The following FAM135B variants were observed in gnomAD, a reference collection of about 807,000 sequenced individuals.
FAM135B encodes the protein protein FAM135B.
In FAM135B, 43 loss-of-function variants were observed where a neutral mutation model predicts 127.7. That is an observed-to-expected ratio of 0.34 (90% CI 0.26 to 0.43). The LOEUF is 0.43. Among genes scored for constraint, FAM135B ranks in the 20% least tolerant of loss-of-function variants. The pLI, the probability that FAM135B is intolerant of heterozygous loss-of-function variation, is 1.00. For missense variants in FAM135B, 1,558 were observed against 1,725.6 expected (o/e 0.90, Z 1.72); for synonymous variants, 670 against 665.1 (o/e 1.01, Z -0.11).
intron 3 of FAM135B, among the ~76,000 whole-genome samples, chr8:138,308,436 G>C (rs1443670021): frequency 2.0e-5 from 3 of 152,260 alleles, no homozygotes; most frequent in African/African-American, 7.2e-5. Flanking sequence ...ACCAAAAATA[G>C]TATAATTGGA....
chr8:138,300,152 G>A (rs987418576), intron 3 of FAM135B, among the ~76,000 whole-genome samples: 1 of 151,854 alleles, frequency 6.6e-6, no homozygotes, highest in Non-Finnish European at 1.5e-5. Flanking sequence ...AGTGTGGGGT[G>A]TATGGAATCT....
At position 138,390,933 on chromosome 8, in the gene FAM135B, C is replaced by T. The variant is rs545744998; in HGVS notation, c.-19-22931G>A. Reference sequence around the variant, plus strand: ...GAGAAGATAGGAAGCAACTGTTTACCGTACCACGACGCAACAGGTGCTACC... The same window carrying T: ...GAGAAGATAGGAAGCAACTGTTTACTGTACCACGACGCAACAGGTGCTACC... On this transcript the variant is annotated intron_variant, in intron 1 of 19. Transcript: ENST00000395297. Among the ~76,000 whole-genome samples the T allele has an allele frequency of 3.3e-5, 5 of 152,246 alleles. No individual in the cohort carries two copies. The East Asian group carries it at 5.8e-4, about 18-fold the overall frequency.
At chr8:138,346,941 G>A (rs1246367477) in intron 2 of FAM135B, among the ~76,000 whole-genome samples, 1 of 152,198 alleles carries the variant, frequency 6.6e-6, no homozygotes, top group Admixed American at 6.5e-5. Context: ...ATATGTGTCT[G>A]TTTCTATCAT....
chr8:138,430,555 G>A (rs973352727), intron 1 of FAM135B, among the ~76,000 whole-genome samples: 7 of 152,174 alleles, frequency 4.6e-5, no homozygotes, highest in African/African-American at 1.7e-4. Flanking sequence ...TGGCCTCCAA[G>A]AGGATACATT....
At chr8:138,314,718 A>AATAAAT (rs1826944638) in intron 2 of FAM135B, among the ~76,000 whole-genome samples, 1 of 150,354 alleles carries the variant, frequency 6.7e-6, no homozygotes, top group African/African-American at 2.4e-5. Context: ...TAAATAAATA[A>AATAAAT]ATAAATTAGC....
At chr8:138,202,396 T>C (rs971944048) in intron 7 of FAM135B, among the ~76,000 whole-genome samples, 5 of 152,104 alleles carry the variant, frequency 3.3e-5, no homozygotes, top group Admixed American at 6.6e-5. Context: ...ACTACAGGCA[T>C]GCACCATCAC....
intron 12 of FAM135B, among the ~76,000 whole-genome samples, chr8:138,155,166 C>G (rs1260237622): frequency 6.6e-6 from 1 of 152,186 alleles, no homozygotes; most frequent in Non-Finnish European, 1.5e-5. Flanking sequence ...AAAGAACTTT[C>G]AACCCAGAAT....
chr8:138,332,983 GCACA>G (rs59548249), intron 2 of FAM135B, among the ~76,000 whole-genome samples: 8,521 of 145,332 alleles, frequency 0.059, 740 homozygotes, highest in African/African-American at 0.19. Context: ...TTTGGAAAGC[GCACA>G]CACACACACA....
At chr8:138,381,088 G>A (rs1831824890) in intron 1 of FAM135B, among the ~76,000 whole-genome samples, 1 of 152,072 alleles carries the variant, frequency 6.6e-6, no homozygotes, top group African/African-American at 2.4e-5. Flanking sequence ...TATGAGCTCT[G>A]CAAGACTCTG....
chr8:138,409,513 G>C (rs937776860), intron 1 of FAM135B, among the ~76,000 whole-genome samples: 1 of 152,096 alleles, frequency 6.6e-6, no homozygotes, highest in East Asian at 1.9e-4. Context: ...GGTGCCAATA[G>C]ACTTGCTGGA....
chr8:138,140,520 G>A (rs1358559241), intron 17 of FAM135B, among the ~76,000 whole-genome samples: 1 of 152,124 alleles, frequency 6.6e-6, no homozygotes, highest in Non-Finnish European at 1.5e-5. Context: ...GGTCTACAGG[G>A]TAAGTCTAAC....
intron 1 of FAM135B, among the ~76,000 whole-genome samples, chr8:138,398,453 G>A (rs762408218): frequency 1.3e-5 from 2 of 152,296 alleles, no homozygotes; most frequent in African/African-American, 4.8e-5. Context: ...TGCAGGCCTC[G>A]GGGAACCAGG....
chr8:138,157,997 C>A (rs1432338867), intron 12 of FAM135B, among the ~76,000 whole-genome samples: 2 of 152,168 alleles, frequency 1.3e-5, no homozygotes, highest in Non-Finnish European at 2.9e-5. Context: ...CCAAGTCAAT[C>A]CTAAGACAAA....
chr8:138,412,757 C>T (rs2131412757), intron 1 of FAM135B, among the ~76,000 whole-genome samples: 1 of 152,290 alleles, frequency 6.6e-6, no homozygotes, highest in African/African-American at 2.4e-5. Flanking sequence ...TCCTGAGATA[C>T]ATTTCTTACT....
chr8:138,467,455 G>A (rs1027938139), intron 1 of FAM135B, among the ~76,000 whole-genome samples: 12 of 152,014 alleles, frequency 7.9e-5, no homozygotes, highest in Admixed American at 2.0e-4. Flanking sequence ...TCAAGTGTTC[G>A]GTAACCACAT....
chr8:138,383,363 A>G (rs1831984720), intron 1 of FAM135B, among the ~76,000 whole-genome samples: 1 of 152,194 alleles, frequency 6.6e-6, no homozygotes, highest in African/African-American at 2.4e-5. Context: ...AAAAACACAC[A>G]TATCTAGCAG....
At chr8:138,398,259 A>G (rs1296039931) in intron 1 of FAM135B, among the ~76,000 whole-genome samples, 7 of 152,248 alleles carry the variant, frequency 4.6e-5, no homozygotes, top group Non-Finnish European at 1.0e-4. Flanking sequence ...AGAGGGGCTC[A>G]TTCAGTCTGT....
intron 1 of FAM135B, chr8:138,437,002 A>G (rs1350631035): frequency 6.6e-6 from 1 of 152,186 alleles, no homozygotes. Flanking sequence ...TAAGGAGAAT[A>G]AAGTCCAAAT....
At chr8:138,348,770 C>T (rs1829587194) in intron 2 of FAM135B, among the ~76,000 whole-genome samples, 1 of 152,232 alleles carries the variant, frequency 6.6e-6, no homozygotes, top group African/African-American at 2.4e-5. Flanking sequence ...CCTGGGAAAC[C>T]ATTTGTGATC....
Sources: gnomAD v4.1 joint callset for allele counts (sites outside exome capture counted in the v4.1 genomes callset) on GRCh38, gnomAD v4.1.1 for gene constraint, MANE v1.5 for transcripts, NCBI Gene and HGNC (gene_info 2026-07-23, HGNC 2026-07-21) for gene names.